PBRM1: variants seen among roughly 807,000 people sequenced by gnomAD.
PBRM1 encodes polybromo 1.
In PBRM1, 27 loss-of-function variants were observed where a neutral mutation model predicts 194.5. That is an observed-to-expected ratio of 0.14 (90% CI 0.10 to 0.19). The LOEUF (loss-of-function observed/expected upper bound fraction) is 0.19, where lower values mean the gene tolerates loss of function less well. PBRM1 is among the 10% of genes least tolerant of loss of function. PBRM1 has a pLI of 1.00. For synonymous variants in PBRM1, 655 were observed against 693.2 expected (o/e 0.94, Z 0.87); for missense variants, 1,466 against 2,077.2 (o/e 0.71, Z 5.72).
chr3:52,631,919 A>C (rs757405154), intron 11 of PBRM1, among the ~76,000 whole-genome samples: 21 of 152,218 alleles, frequency 1.4e-4, no homozygotes, highest in Non-Finnish European at 2.8e-4. Flanking sequence ...AGGCAAACCA[A>C]GTGATTTTGA....
chr3:52,660,839 A>C (rs2096709312), intron 4 of PBRM1, among the ~76,000 whole-genome samples: 1 of 152,014 alleles, frequency 6.6e-6, no homozygotes, highest in Non-Finnish European at 1.5e-5. Flanking sequence ...GACTCTAAGA[A>C]GTAATTGTAT....
At chr3:52,662,030 A>G in intron 4 of PBRM1, 103 bp downstream of exon 5, 2 of 1,146,528 alleles carry the variant, frequency 1.7e-6, no homozygotes, top group Non-Finnish European at 2.5e-6. Context: ...ATACAATTGC[A>G]CAGGAATTCT....
intron 10 of PBRM1, among the ~76,000 whole-genome samples, chr3:52,640,982 G>T (rs2096058362): frequency 6.6e-6 from 1 of 151,904 alleles, no homozygotes; most frequent in Non-Finnish European, 1.5e-5. Flanking sequence ...CTAACAAGAA[G>T]ATAATATTTT....
chr3:52,598,591 T>G (rs2093742201), intron 17 of PBRM1, among the ~76,000 whole-genome samples: 1 of 152,220 alleles, frequency 6.6e-6, no homozygotes, highest in Non-Finnish European at 1.5e-5. Context: ...TTTGTTATTT[T>G]TCATTGACAT....
chr3:52,631,095 A>G (rs1413663493), intron 11 of PBRM1, among the ~76,000 whole-genome samples: 1 of 152,152 alleles, frequency 6.6e-6, no homozygotes, highest in Non-Finnish European at 1.5e-5. Context: ...TGTTATTTTA[A>G]TAAGACCAAA....
chr3:52,624,817 C>G, intron 13 of PBRM1, 80 bp downstream of exon 15: 1 of 956,416 alleles, frequency 1.0e-6, no homozygotes, highest in South Asian at 1.4e-5. Flanking sequence ...TAAGGCTTCA[C>G]TTTTCACCTA....
intron 10 of PBRM1, among the ~76,000 whole-genome samples, chr3:52,638,993 G>GGA (rs1464676283): frequency 8.3e-6 from 1 of 120,908 alleles, no homozygotes; most frequent in East Asian, 2.9e-4. Flanking sequence ...TTTTGGGGGG[G>GGA]GGGGGCGGGG....
chr3:52,569,983 TTTTG>T (rs1293314462), intron 22 of PBRM1, among the ~76,000 whole-genome samples: 1 of 152,216 alleles, frequency 6.6e-6, no homozygotes, highest in Non-Finnish European at 1.5e-5. Context: ...TTTTTTTGTT[TTTTG>T]TTTGAGACGG....
intron 1 of PBRM1, 32 bp downstream of exon 1, chr3:52,685,717 A>AGCG (rs2097303439): frequency 6.5e-6 from 1 of 153,660 alleles, no homozygotes; most frequent in Non-Finnish European, 1.4e-5. Context: ...ACCAAGGGGG[A>AGCG]GCGGCCCCAC....
chr3:52,625,002 T>C, intron 13 of PBRM1, 61 bp from the exon 15 acceptor site: 1 of 1,128,502 alleles, frequency 8.9e-7, no homozygotes, highest in Non-Finnish European at 1.3e-6. Context: ...CATTGGAGGG[T>C]CATGTACAAA....
At chr3:52,636,165 C>T (rs1215069330) in intron 10 of PBRM1, among the ~76,000 whole-genome samples, 4 of 151,934 alleles carry the variant, frequency 2.6e-5, no homozygotes, top group Non-Finnish European at 5.9e-5. Flanking sequence ...GCCACCACGC[C>T]CAGCCTAGAT....
At chr3:52,672,130 A>G (rs561743144) in intron 2 of PBRM1, among the ~76,000 whole-genome samples, 3 of 152,280 alleles carry the variant, frequency 2.0e-5, no homozygotes, top group East Asian at 1.9e-4. Flanking sequence ...CATCTAGCGA[A>G]AAAGGTTTCC....
intron 20 of PBRM1, among the ~76,000 whole-genome samples, chr3:52,580,292 T>C (rs2090777580): frequency 6.6e-6 from 1 of 152,166 alleles, no homozygotes; most frequent in African/African-American, 2.4e-5. Flanking sequence ...AAATTTTTAC[T>C]ATTTTGATTT....
Position 52,609,991 on chromosome 3 carries a change from A to G in PBRM1, c.1925-36T>C, listed in dbSNP as rs1037186873. Reference sequence around the variant, plus strand: ...ATATTTAATGTTAAATGAATAAAATAAATGAACCTAAATTTGTATACAGAT... The same window carrying G: ...ATATTTAATGTTAAATGAATAAAATGAATGAACCTAAATTTGTATACAGAT... On this transcript the variant is annotated intron_variant, in intron 15 of 29. Transcript: ENST00000296302. This position sits in a 1 kb window ranked among gnomAD's most constrained non-coding sequence, Gnocchi z 4.1. 1 of 1,274,860 alleles carries G rather than the reference A, an allele frequency of 7.8e-7. No homozygotes were observed. Among genetic ancestry groups the G allele is most frequent in the Non-Finnish European group, 1.1e-6 (1 of 939,290 alleles). 79.0% of individuals were successfully genotyped at this position (1,274,860 alleles called of 1,614,324 possible). A position where few individuals can be genotyped will look rare whatever the true frequency, so the allele number is the denominator to read the frequency against.
In PBRM1 at chr3:52,579,286, ATTAAC is replaced by A. The variant is rs747548006; in HGVS notation, c.3388-92_3388-88del. ...AAACGAAAGCAGACTTTTCTTTCAC[ATTAAC>A]TTAAAAGAAAAAACCACCATTGGTT... On this transcript the variant is annotated intron_variant, in intron 20 of 29. Coordinates refer to ENST00000296302, the Ensembl canonical transcript of PBRM1. 4.6e-5 allele frequency: 59 copies of A among 1,284,206 alleles called. 1 individual carries two copies. Among genetic ancestry groups the A allele is most frequent in the Non-Finnish European group, 6.6e-5 (59 of 894,516 alleles). The allele number at this position is 1,284,206 out of a possible 1,614,324, so 79.6% of individuals were successfully genotyped here.
chr3:52,546,089 G>A, downstream of PBRM1: 1 of 232,984 alleles, frequency 4.3e-6, no homozygotes, highest in Non-Finnish European at 8.5e-6. Flanking sequence ...GGAGCCTGGA[G>A]GAGAGCTCTG....
intron 15 of PBRM1, among the ~76,000 whole-genome samples, chr3:52,612,254 G>A (rs866022601): frequency 1.3e-4 from 5 of 37,406 alleles, no homozygotes; most frequent in African/African-American, 2.5e-4. Flanking sequence ...GCGAGATTCC[G>A]TCTCAAAAAA....
At chr3:52,621,059 C>CT (rs1364566618) in intron 13 of PBRM1, among the ~76,000 whole-genome samples, 1 of 152,146 alleles carries the variant, frequency 6.6e-6, no homozygotes, top group Non-Finnish European at 1.5e-5. Context: ...TTTGCTTTAT[C>CT]TTTTTCCAAT....
chr3:52,666,121 G>C (rs2096829016), intron 3 of PBRM1, among the ~76,000 whole-genome samples: 1 of 152,160 alleles, frequency 6.6e-6, no homozygotes, highest in African/African-American at 2.4e-5. Context: ...AAAATGCACT[G>C]AAGAGTAAAA....
Sources: gnomAD v4.1 joint callset for allele counts (sites outside exome capture counted in the v4.1 genomes callset) on GRCh38, gnomAD v4.1.1 for gene constraint, Gnocchi (gnomAD v3.1) non-coding constraint, MANE v1.5 for transcripts, NCBI Gene and HGNC (gene_info 2026-07-23, HGNC 2026-07-21) for gene names.